MRO: variants seen among roughly 807,000 people sequenced by gnomAD.
The protein encoded by MRO is protein maestro.
In MRO, 28 loss-of-function variants were observed where a neutral mutation model predicts 31.0. That is an observed-to-expected ratio of 0.90 (90% CI 0.67 to 1.24). The LOEUF is 1.24. Ranked by LOEUF, MRO falls within the 50% of genes most tolerant of loss-of-function variation. MRO has a pLI of 0.00. For synonymous variants in MRO, 108 were observed against 108.4 expected (o/e 1.00, Z 0.02); for missense variants, 332 against 289.2 (o/e 1.15, Z -1.07).
At chr18:50,799,470 A>G in intron 7 of MRO, 80 bp from the exon 8 acceptor site, 1 of 1,200,794 alleles carries the variant, frequency 8.3e-7, no homozygotes, top group East Asian at 2.3e-5. Flanking sequence ...GGCAGTGATC[A>G]GTGCAGGGCA....
chr18:50,814,645 G>C, intron 2 of MRO: 1 of 211,506 alleles, frequency 4.7e-6, no homozygotes, highest in Non-Finnish European at 1.0e-5. Flanking sequence ...CTCTAGAGAG[G>C]GTTCTGTAAA....
At chr18:50,802,747 A>G (rs1913480945) in intron 5 of MRO, among the ~76,000 whole-genome samples, 1 of 151,670 alleles carries the variant, frequency 6.6e-6, no homozygotes, top group African/African-American at 2.4e-5. Context: ...TGTTTTAGAG[A>G]CAACATCTTG....
At chr18:50,813,604 A>G (rs113871881) in intron 2 of MRO, among the ~76,000 whole-genome samples, 1,564 of 152,366 alleles carry the variant, frequency 0.01, 21 homozygotes, top group African/African-American at 0.035. Context: ...CCACACTTGG[A>G]GAACCACTGC....
In MRO at chr18:50,795,368, C is replaced by T. The variant is rs1321269000; in HGVS notation, c.*3969G>A. The T allele has an allele frequency of 6.6e-6, 1 of 152,184 alleles. No individual in the cohort carries two copies. The highest frequency in any genetic ancestry group is 1.5e-5 in the Non-Finnish European group (1 of 68,028). The allele number at this position is 152,184 out of a possible 1,614,324, so 9.4% of individuals were successfully genotyped here. A position where few individuals can be genotyped will look rare whatever the true frequency, so the allele number is the denominator to read the frequency against. ...CTATGAAAGTAATACATGCTCATTGCAGCAAACTTAGAAAATGCAGAAATG... is the reference window on the plus strand; with the variant it reads ...CTATGAAAGTAATACATGCTCATTGTAGCAAACTTAGAAAATGCAGAAATG... On this transcript the variant is annotated 3_prime_UTR_variant, in exon 8 of 8. Coordinates refer to ENST00000398439, the MANE Select transcript of MRO (RefSeq NM_031939.6).
intron 4 of MRO, among the ~76,000 whole-genome samples, chr18:50,805,743 TA>T (rs915056278): frequency 2.0e-5 from 3 of 151,368 alleles, no homozygotes; most frequent in African/African-American, 7.3e-5. Context: ...ATTAAATTAC[TA>T]GAAAAAAAAA....
At chr18:50,806,430 T>G (rs1279059195) in intron 4 of MRO, among the ~76,000 whole-genome samples, 1 of 152,188 alleles carries the variant, frequency 6.6e-6, no homozygotes, top group African/African-American at 2.4e-5. Context: ...AAGCGAACCC[T>G]GAGCTTCAGG....
intron 2 of MRO, among the ~76,000 whole-genome samples, chr18:50,816,316 C>T (rs1359446704): frequency 6.6e-6 from 1 of 152,218 alleles, no homozygotes; most frequent in Non-Finnish European, 1.5e-5. Context: ...TCCCTATGGT[C>T]TTTTATCTGC....
intron 2 of MRO, 25 bp from the exon 3 acceptor site, chr18:50,809,429 A>G (rs1428175963): frequency 6.8e-7 from 1 of 1,469,402 alleles, no homozygotes; most frequent in Non-Finnish European, 9.5e-7. Context: ...AAACAAAATC[A>G]CATGCGCCAC....
intron 3 of MRO, among the ~76,000 whole-genome samples, chr18:50,807,899 G>A (rs538279221): frequency 8.5e-5 from 13 of 152,282 alleles, no homozygotes; most frequent in Middle Eastern, 3.4e-3. Flanking sequence ...CCAACATGGC[G>A]AAACCCTGAA....
rs1455391194 is a variant in MRO at position 50,796,397 on chromosome 18, A to AT, written c.*2939dup. The stretch of plus-strand genomic sequence containing the variant: ...CCTTCTGTAGTTTCAATCTAACAGG[A>AT]TAAAAAAAAAAACATAAAGCCATAT... On this transcript the variant is annotated 3_prime_UTR_variant, in exon 8 of 8. Transcript: ENST00000398439. 3 of 54,380 alleles carry AT rather than the reference A, an allele frequency of 5.5e-5. No individual in the cohort carries two copies. Among genetic ancestry groups the AT allele is most frequent in the African/African-American group, 1.2e-4 (3 of 25,394 alleles). 3.4% of individuals were successfully genotyped at this position (54,380 alleles called of 1,614,324 possible). A position where few individuals can be genotyped will look rare whatever the true frequency, so the allele number is the denominator to read the frequency against.
At chr18:50,821,660 A>G (rs1255030354), upstream of MRO, among the ~76,000 whole-genome samples, 1 of 152,186 alleles carries the variant, frequency 6.6e-6, no homozygotes, top group Non-Finnish European at 1.5e-5. Context: ...AACACAACAA[A>G]CTATTAATAA....
chr18:50,799,386 T>C lies in MRO; in HGVS notation c.698A>G (p.His233Arg), dbSNP rs150848918. The change falls in exon 8 of 8, where the codon CAC (histidine) becomes CGC (arginine). Residue 233 changes from histidine to arginine, a missense_variant. Coordinates refer to ENST00000398439, the MANE Select transcript of MRO (RefSeq NM_031939.6). ...RNTKLYQQLSHYHPEILQFFY... is the reference protein window; with the variant it reads ...RNTKLYQQLSRYHPEILQFFY... ...GAACTGCAGGATCTCTGGATGATAGTGGCTCTGAAAGAAATTAGCAAAGGT... is the reference window on the plus strand; with the variant it reads ...GAACTGCAGGATCTCTGGATGATAGCGGCTCTGAAAGAAATTAGCAAAGGT... 3.1e-6 allele frequency: 5 copies of C among 1,614,034 alleles called. No individual in the cohort carries two copies. The African/African-American group carries it at 5.3e-5, about 17-fold the overall frequency.
At chr18:50,800,682 C>T (rs948113034) in intron 6 of MRO, among the ~76,000 whole-genome samples, 7 of 152,020 alleles carry the variant, frequency 4.6e-5, no homozygotes, top group East Asian at 1.9e-4. Context: ...GTCAGGAGTT[C>T]GAGACCAGCC....
At chr18:50,818,736 C>G (rs1429298671) in intron 2 of MRO, among the ~76,000 whole-genome samples, 8 of 152,170 alleles carry the variant, frequency 5.3e-5, no homozygotes. Flanking sequence ...GCTTAAAAAT[C>G]CTTCCAACAC....
Position 50,801,484 on chromosome 18 carries a change from G to A in MRO, c.450C>T (p.Tyr150=). 6.2e-7 allele frequency: 1 copy of A among 1,606,306 alleles called. No homozygotes were observed. The highest frequency in any genetic ancestry group is 2.2e-5 in the East Asian group (1 of 44,830). Residue 150 remains tyrosine (Y), a synonymous_variant, in exon 6 of 8, where the codon TAC becomes TAT. Transcript: ENST00000398439. The part of the protein sequence containing the change: ...LLDDENDSLR[Y]SAFVLFGQLA... ...ATTGCCCAAACAAAACAAAGGCCGA[G>A]TATCTCAGACTGTCGTTCTCCTGCG...
Position 50,802,898 on chromosome 18 carries a change from T to TTG in MRO, c.430-1396_430-1395dup, listed in dbSNP as rs147321917. On this transcript the variant is annotated intron_variant, in intron 5 of 7. Transcript: ENST00000398439. ...TCTTCATGGCTCTATTAGTGAGTGTTTGTGTATGTGTGTGTGTAGTGTGTG... is the reference window on the plus strand; with the variant it reads ...TCTTCATGGCTCTATTAGTGAGTGTTTGTGTGTATGTGTGTGTGTAGTGTGTG... Among the ~76,000 whole-genome samples, 1,206 of 134,764 alleles carry TTG rather than the reference T, an allele frequency of 8.9e-3. 12 individuals are homozygous for TTG. The highest frequency in any genetic ancestry group is 0.059 in the East Asian group (278 of 4,700). 88.4% of individuals were successfully genotyped at this position (134,764 alleles called of 152,430 possible).
At chr18:50,820,079 G>C, upstream of MRO, 1 of 950,012 alleles carries the variant, frequency 1.1e-6, no homozygotes, top group Non-Finnish European at 1.6e-6. Flanking sequence ...ATGCGGCCGC[G>C]AGATGGCGGC....
chr18:50,812,337 T>C (rs1914545546), intron 2 of MRO, among the ~76,000 whole-genome samples: 2 of 152,208 alleles, frequency 1.3e-5, no homozygotes, highest in African/African-American at 4.8e-5. Context: ...TCCATTCAAA[T>C]CCTTTGCTCA....
At chr18:50,804,341 A>G (rs188718294) in intron 5 of MRO, among the ~76,000 whole-genome samples, 2 of 152,200 alleles carry the variant, frequency 1.3e-5, no homozygotes, top group East Asian at 3.9e-4. Context: ...TAAGATGAAA[A>G]CTCACCAGGC....
Sources: allele counts gnomAD v4.1 joint callset (sites outside exome capture counted in the v4.1 genomes callset), GRCh38; gene constraint gnomAD v4.1.1; transcripts MANE v1.5; gene names NCBI Gene and HGNC (gene_info 2026-07-23, HGNC 2026-07-21).